USP13: variants seen among roughly 807,000 people sequenced by gnomAD.
USP13 encodes ubiquitin carboxyl-terminal hydrolase 13.
USP13 carries 68 observed loss-of-function variants against 107.8 expected under a neutral mutation model. The observed-to-expected ratio is 0.63, with a 90% CI of 0.52 to 0.77. The LOEUF is 0.77. USP13 is among the 30% of genes least tolerant of loss of function. USP13 has a pLI of 0.00. For synonymous variants in USP13, 377 were observed against 389.5 expected (o/e 0.97, Z 0.38); for missense variants, 945 against 1,093.3 (o/e 0.86, Z 1.91).
In USP13 at chr3:179,742,454, C is replaced by T. The variant is rs1385916524; in HGVS notation, c.1534+104C>T. 12 of 1,413,764 alleles carry T rather than the reference C, an allele frequency of 8.5e-6. No homozygotes were observed. Among genetic ancestry groups the T allele is most frequent in the African/African-American group, 2.9e-5 (2 of 70,152 alleles). The allele number at this position is 1,413,764 out of a possible 1,614,324, so 87.6% of individuals were successfully genotyped here. A position where few individuals can be genotyped will look rare whatever the true frequency, so the allele number is the denominator to read the frequency against. On this transcript the variant is annotated intron_variant, in intron 12 of 20. Transcript: ENST00000263966. This position sits in a 1 kb window ranked among gnomAD's most constrained non-coding sequence, Gnocchi z 5.0. ...CACTGAAGTGTGTCAGGAGTAGACC[C>T]AGCCCAGGTGATGTCTGCTTTGCAC...
intron 13 of USP13, among the ~76,000 whole-genome samples, chr3:179,747,522 A>G (rs1714451708): frequency 6.6e-6 from 1 of 152,098 alleles, no homozygotes; most frequent in South Asian, 2.1e-4. Context: ...GAAGTGCAGG[A>G]TGTGACACAC....
intron 3 of USP13, among the ~76,000 whole-genome samples, chr3:179,692,439 G>A (rs1187882879): frequency 6.6e-6 from 1 of 152,134 alleles, no homozygotes; most frequent in East Asian, 1.9e-4. Flanking sequence ...TCTGCAGTTG[G>A]TTCTTCTACC....
chr3:179,708,105 G>A (rs1210212441), intron 5 of USP13, among the ~76,000 whole-genome samples: 1 of 152,096 alleles, frequency 6.6e-6, no homozygotes, highest in Non-Finnish European at 1.5e-5. Context: ...TATACACACA[G>A]GATTCTTAAT....
At chr3:179,744,481 T>C (rs989357491) in intron 12 of USP13, among the ~76,000 whole-genome samples, 17 of 152,186 alleles carry the variant, frequency 1.1e-4, no homozygotes, top group African/African-American at 3.9e-4. Flanking sequence ...CCTTACACAA[T>C]GTAACATCTC....
In USP13 at chr3:179,760,282, GTTTTTT is replaced by G. The variant is rs1363561918; in HGVS notation, c.1949-816_1949-811del. On this transcript the variant is annotated intron_variant, in intron 16 of 20. Coordinates refer to ENST00000263966, the MANE Select transcript of USP13 (RefSeq NM_003940.3). ...TTACTTTGTAAAGCCGTCTCTTAATGTTTTTTTTTTTTTTTTTTTGAGACGGAGTCT... is the reference window on the plus strand; with the variant it reads ...TTACTTTGTAAAGCCGTCTCTTAATGTTTTTTTTTTTTTGAGACGGAGTCT... Among the ~76,000 whole-genome samples, 160 of 123,484 alleles carry G rather than the reference GTTTTTT, an allele frequency of 1.3e-3. 2 individuals are homozygous for G. Among genetic ancestry groups the G allele is most frequent in the African/African-American group, 4.7e-3 (152 of 32,034 alleles). The allele number at this position is 123,484 out of a possible 152,430, so 81.0% of individuals were successfully genotyped here. A position where few individuals can be genotyped will look rare whatever the true frequency, so the allele number is the denominator to read the frequency against.
At chr3:179,663,834 G>C (rs572848988) in intron 1 of USP13, among the ~76,000 whole-genome samples, 211 of 152,208 alleles carry the variant, frequency 1.4e-3, no homozygotes, top group Non-Finnish European at 2.2e-3. Context: ...TCATGCTCTT[G>C]CGTTGGCCTG....
chr3:179,657,953 G>C (rs1014995466), intron 1 of USP13, among the ~76,000 whole-genome samples: 3 of 151,876 alleles, frequency 2.0e-5, no homozygotes, highest in African/African-American at 7.3e-5. Flanking sequence ...TTTGGTTGTT[G>C]AGCTCCTCAT....
chr3:179,771,584 A>G (rs1715344178), intron 19 of USP13, among the ~76,000 whole-genome samples: 1 of 152,214 alleles, frequency 6.6e-6, no homozygotes, highest in African/African-American at 2.4e-5. Context: ...CATCCAGGTG[A>G]TTCTGATGCA....
rs1004613450 is a variant in USP13, at chr3:179,712,608, G to A, written c.805+3651G>A. Among the ~76,000 whole-genome samples, 3 of 151,882 alleles carry A rather than the reference G, an allele frequency of 2.0e-5. No individual in the cohort carries two copies. The South Asian group carries it at 6.2e-4, about 32-fold the overall frequency. On this transcript the variant is annotated intron_variant, in intron 6 of 20. Coordinates refer to ENST00000263966, the MANE Select transcript of USP13 (RefSeq NM_003940.3). ...TATTAAATATTCTTCAGTATTTTATGATGGTTTCATAAATCATTTCACTAT... is the reference window on the plus strand; with the variant it reads ...TATTAAATATTCTTCAGTATTTTATAATGGTTTCATAAATCATTTCACTAT...
At chr3:179,774,229 A>G (rs368620642) in intron 19 of USP13, among the ~76,000 whole-genome samples, 6 of 152,280 alleles carry the variant, frequency 3.9e-5, no homozygotes, top group African/African-American at 1.4e-4. Flanking sequence ...ACTTATTACC[A>G]GGAGAGGGCA....
Position 179,764,114 on chromosome 3 carries a change from C to A in USP13, c.2205C>A (p.Ile735=). 6.2e-7 allele frequency: 1 copy of A among 1,613,996 alleles called. No individual in the cohort carries two copies. Residue 735 remains isoleucine (I), a synonymous_variant, in exon 18 of 21, where the codon ATC becomes ATA. Coordinates refer to ENST00000263966, the MANE Select transcript of USP13 (RefSeq NM_003940.3). ...DNQPPEEIVA[I]ITSMGFQRNQ... is the part of the protein sequence containing the mutation. ...AACCTCCAGAGGAAATCGTAGCTAT[C>A]ATCACCTCCATGGGATTTCAGCGAA...
intron 2 of USP13, among the ~76,000 whole-genome samples, chr3:179,689,440 C>T (rs542449599): frequency 3.3e-5 from 5 of 151,966 alleles, no homozygotes; most frequent in African/African-American, 4.8e-5. Flanking sequence ...GGGCAGATCA[C>T]GAGGTCAGGA....
At chr3:179,720,115 A>G in intron 7 of USP13, 81 bp downstream of exon 7, 1 of 1,021,916 alleles carries the variant, frequency 9.8e-7, no homozygotes. Flanking sequence ...TGATTTATTT[A>G]ATATATAATT....
Position 179,722,154 on chromosome 3 carries a change from C to T in USP13, c.1088+565C>T, listed in dbSNP as rs77216662. ...ATGGTTTCTGCTTTTTGACCATCAC[C>T]CTATGTACCAAGAATATATTAATCA... is the stretch of plus-strand genomic sequence containing the variant. On this transcript the variant is annotated intron_variant, in intron 8 of 20. Transcript: ENST00000263966. 9.4e-3 allele frequency among the ~76,000 whole-genome samples: 1,425 copies of T among 152,040 alleles called. 24 individuals carry two copies. The highest frequency in any genetic ancestry group is 0.033 in the African/African-American group (1,349 of 41,440).
intron 1 of USP13, among the ~76,000 whole-genome samples, chr3:179,658,232 G>A (rs1720344424): frequency 6.6e-6 from 1 of 152,166 alleles, no homozygotes; most frequent in African/African-American, 2.4e-5. Flanking sequence ...GTGATTACAG[G>A]CGGGAGCCAC....
chr3:179,658,119 T>A (rs780151033), intron 1 of USP13, among the ~76,000 whole-genome samples: 7 of 152,130 alleles, frequency 4.6e-5, no homozygotes, highest in Non-Finnish European at 7.4e-5. Context: ...CACGCCTGGC[T>A]AATTTTTTGT....
rs1715756854 is a variant in USP13, at chr3:179,781,789, G to A, written c.2464G>A (p.Gly822Ser). The A allele has an allele frequency of 6.2e-7, 1 of 1,613,820 alleles. No homozygotes were observed. The highest frequency in any genetic ancestry group is 1.3e-5 in the African/African-American group (1 of 74,866). The change falls in exon 20 of 21, where the codon GGT (glycine) becomes AGT (serine). Residue 822 changes from glycine to serine, a missense_variant. Transcript: ENST00000263966. ...ISHMGTSTMS[G>S]HYICHIKKEG... is the part of the protein sequence containing the mutation. The stretch of plus-strand genomic sequence containing the variant: ...TCACATGGGAACATCCACAATGAGT[G>A]GTCATTACATTTGCCATATCAAAAA...
At chr3:179,667,962 C>A (rs947842895) in intron 1 of USP13, among the ~76,000 whole-genome samples, 4 of 152,000 alleles carry the variant, frequency 2.6e-5, no homozygotes, top group African/African-American at 9.7e-5. Context: ...CGGTTTTATA[C>A]TTACCAAAAA....
At position 179,754,825 on chromosome 3, in the gene USP13, C is replaced by G; in HGVS notation, c.1892C>G (p.Pro631Arg). 1 of 1,612,472 alleles carries G rather than the reference C, an allele frequency of 6.2e-7. No homozygotes were observed. Among genetic ancestry groups the G allele is most frequent in the Non-Finnish European group, 8.5e-7 (1 of 1,179,422 alleles). ...PGEEELPDIS[P>R]PIVIPDDSKD... ...GAGGAAGAACTTCCAGACATCAGCC[C>G]CCCCATAGTCATTCCTGATGACTCA... The change falls in exon 15 of 21, where the codon CCC (proline) becomes CGC (arginine). Residue 631 changes from proline to arginine, a missense_variant. Physicochemically the swap from Pro to Arg is moderately radical, Grantham distance 103. Transcript: ENST00000263966.
Sources: allele counts gnomAD v4.1 joint callset (sites outside exome capture counted in the v4.1 genomes callset), GRCh38; gene constraint gnomAD v4.1.1; non-coding constraint Gnocchi (gnomAD v3.1); transcripts MANE v1.5; gene names NCBI Gene and HGNC (gene_info 2026-07-23, HGNC 2026-07-21).